Variants in CSMD1 observed in about 807,000 individuals in gnomAD.
The protein encoded by CSMD1 is CUB and sushi domain-containing protein 1.
In CSMD1, 213 loss-of-function variants were observed where a neutral mutation model predicts 417.5. That is an observed-to-expected ratio of 0.51 (90% CI 0.46 to 0.57). The LOEUF is 0.57. Among genes scored for constraint, CSMD1 ranks in the 20% least tolerant of loss-of-function variants. The pLI is 0.00. For missense variants in CSMD1, 6,923 were observed against 4,529.7 expected, an observed-to-expected ratio of 1.53 and a Z score of -15.17; for synonymous variants, 2,862 against 1,736.8, an observed-to-expected ratio of 1.65 and a Z score of -16.11.
intron 3 of CSMD1, among the ~76,000 whole-genome samples, chr8:4,034,250 G>C (rs1456323925): frequency 1.3e-5 from 2 of 152,042 alleles, no homozygotes; most frequent in African/African-American, 2.4e-5. Context: ...GAACTATATA[G>C]AAATATTTAG....
intron 5 of CSMD1, among the ~76,000 whole-genome samples, chr8:3,908,257 C>G (rs1241310095): frequency 3.5e-5 from 3 of 84,734 alleles, no homozygotes; most frequent in African/African-American, 9.6e-5. Flanking sequence ...TATGAGAAAG[C>G]TGAGTCAGGT....
At chr8:3,212,690 C>T (rs897992673) in intron 30 of CSMD1, among the ~76,000 whole-genome samples, 3 of 151,924 alleles carry the variant, frequency 2.0e-5, no homozygotes, top group African/African-American at 4.8e-5. Context: ...ACTGCTGGGT[C>T]CAGACAGCTA....
intron 25 of CSMD1, among the ~76,000 whole-genome samples, chr8:3,303,568 C>CAATT (rs1804578265): frequency 6.6e-6 from 1 of 152,182 alleles, no homozygotes; most frequent in Non-Finnish European, 1.5e-5. Context: ...TTTCTGCTAA[C>CAATT]AATTAGGAAC....
chr8:4,250,609 A>G (rs1216709132), intron 3 of CSMD1, among the ~76,000 whole-genome samples: 1 of 152,204 alleles, frequency 6.6e-6, no homozygotes, highest in Admixed American at 6.5e-5. Flanking sequence ...TGATAGGTCT[A>G]CCAAAATAGT....
chr8:3,876,547 T>TA (rs1181839340), intron 5 of CSMD1, among the ~76,000 whole-genome samples: 3 of 152,326 alleles, frequency 2.0e-5, no homozygotes, highest in African/African-American at 7.2e-5. Context: ...TATTTATTCC[T>TA]AAAAAATTAT....
intron 3 of CSMD1, among the ~76,000 whole-genome samples, chr8:4,135,381 A>AT (rs1408355272): frequency 1.8e-4 from 4 of 22,596 alleles, no homozygotes; most frequent in Non-Finnish European, 3.4e-4. Flanking sequence ...AAAGTGGGAA[A>AT]GAGGGGGAAG....
chr8:4,686,096 C>T (rs1175002937), intron 1 of CSMD1, among the ~76,000 whole-genome samples: 3 of 152,090 alleles, frequency 2.0e-5, no homozygotes, highest in Admixed American at 6.5e-5. Flanking sequence ...TTCACTTTTT[C>T]GTTACAGAAG....
chr8:4,082,781 C>T (rs1225274980), intron 3 of CSMD1, among the ~76,000 whole-genome samples: 1 of 120,440 alleles, frequency 8.3e-6, no homozygotes, highest in Non-Finnish European at 1.6e-5. Context: ...CACCCCACAA[C>T]AGTCCCCACA....
intron 3 of CSMD1, among the ~76,000 whole-genome samples, chr8:4,134,441 A>G (rs908053664): frequency 6.6e-6 from 1 of 152,192 alleles, no homozygotes; most frequent in African/African-American, 2.4e-5. Context: ...GGTGTCTACA[A>G]GCCAAAGAGA....
chr8:3,301,395 T>G (rs1804397841), intron 25 of CSMD1, among the ~76,000 whole-genome samples: 1 of 152,106 alleles, frequency 6.6e-6, no homozygotes, highest in South Asian at 2.1e-4. Flanking sequence ...TAGTGAAACT[T>G]GCCCTGGAGG....
chr8:4,125,088 C>G (rs984485678), intron 3 of CSMD1, among the ~76,000 whole-genome samples: 6 of 149,954 alleles, frequency 4.0e-5, no homozygotes, highest in African/African-American at 1.2e-4. Flanking sequence ...GGCTTCATTC[C>G]TTGAAGCCGG....
intron 5 of CSMD1, among the ~76,000 whole-genome samples, chr8:3,960,675 A>T (rs1812263916): frequency 6.6e-6 from 1 of 152,022 alleles, no homozygotes; most frequent in African/African-American, 2.4e-5. Context: ...TTATGATAAA[A>T]CTTTTTATAA....
At chr8:3,667,366 C>T (rs1798747884) in intron 7 of CSMD1, among the ~76,000 whole-genome samples, 1 of 151,810 alleles carries the variant, frequency 6.6e-6, no homozygotes. Flanking sequence ...ATGGAGATGA[C>T]ATTTGAGAAA....
At chr8:3,705,890 C>T (rs568594592) in intron 7 of CSMD1, among the ~76,000 whole-genome samples, 1 of 152,320 alleles carries the variant, frequency 6.6e-6, no homozygotes, top group East Asian at 1.9e-4. Flanking sequence ...GCACTTCACT[C>T]CCTGCAGACA....
At chr8:4,030,956 A>G (rs34443488) in intron 4 of CSMD1, among the ~76,000 whole-genome samples, 18,638 of 152,198 alleles carry the variant, frequency 0.12, 1,234 homozygotes, top group East Asian at 0.22. Flanking sequence ...AAAACGTAAC[A>G]AGAATCACCT....
chr8:3,372,049 G>T (rs1809988630), intron 18 of CSMD1, among the ~76,000 whole-genome samples: 1 of 152,176 alleles, frequency 6.6e-6, no homozygotes, highest in Non-Finnish European at 1.5e-5. Context: ...GATAAAACCT[G>T]TAACAACATA....
At chr8:3,384,590 T>C (rs1201778890) in intron 18 of CSMD1, among the ~76,000 whole-genome samples, 4 of 148,374 alleles carry the variant, frequency 2.7e-5, no homozygotes, top group Non-Finnish European at 4.5e-5. Flanking sequence ...ATTTGGAGCA[T>C]TTCTTTTCCA....
intron 2 of CSMD1, among the ~76,000 whole-genome samples, chr8:4,554,837 G>C (rs1407049063): frequency 1.3e-5 from 2 of 152,154 alleles, no homozygotes; most frequent in Admixed American, 6.5e-5. Flanking sequence ...AGTAAGCATT[G>C]ATGGGGTTAA....
Position 3,409,492 on chromosome 8 carries a change from G to C in CSMD1, c.1675C>G (p.Leu559Val), listed in dbSNP as rs570645411. The C allele has an allele frequency of 1.9e-6, 3 of 1,611,590 alleles. No individual in the cohort carries two copies. Among genetic ancestry groups the C allele is most frequent in the Non-Finnish European group, 2.5e-6 (3 of 1,178,968 alleles). Residue 559 changes from leucine (L) to valine (V), a missense_variant, in exon 13 of 70, where the codon CTG (leucine) becomes GTG (valine). Transcript: ENST00000635120. ...CAGGTGATAACTCTCTCCCCCACCA[G>C]CTCAAAGGCCGCCGGGCATTCAAAG... ...LTFECPAAFELVGERVITCQQ... is the reference protein window; with the variant it reads ...LTFECPAAFEVVGERVITCQQ...
Sources: gnomAD v4.1 joint callset for allele counts (sites outside exome capture counted in the v4.1 genomes callset) on GRCh38, gnomAD v4.1.1 for gene constraint, MANE v1.5 for transcripts, NCBI Gene and HGNC (gene_info 2026-07-23, HGNC 2026-07-21) for gene names.